Variants in RGPD1 observed in about 807,000 individuals in gnomAD.
RGPD1 encodes RANBP2 like and GRIP domain containing 1.
In RGPD1, 7 loss-of-function variants were observed where a neutral mutation model predicts 40.6. The ratio of observed to expected loss-of-function variants is 0.17; its 90% confidence interval spans 0.10 to 0.32. RGPD1 has a LOEUF of 0.32. Among genes scored for constraint, RGPD1 ranks in the 10% least tolerant of loss-of-function variants. The pLI, the probability that RGPD1 is intolerant of heterozygous loss-of-function variation, is 1.00. For synonymous variants in RGPD1, 24 were observed against 167.0 expected, an observed-to-expected ratio of 0.14 and a Z score of 6.60; for missense variants, 50 against 472.5, an observed-to-expected ratio of 0.11 and a Z score of 8.29.
intron 1 of RGPD1, among the ~76,000 whole-genome samples, chr2:86,936,902 G>C (rs982648046): frequency 4.4e-5 from 6 of 137,382 alleles, no homozygotes; most frequent in Non-Finnish European, 6.3e-5. Flanking sequence ...GCTTAACAAA[G>C]AGGTCTGAGA....
At chr2:86,954,977 C>A (rs1680648759) in intron 4 of RGPD1, among the ~76,000 whole-genome samples, 1 of 52,098 alleles carries the variant, frequency 1.9e-5, no homozygotes, top group Non-Finnish European at 4.0e-5. Context: ...TAAATGTCAT[C>A]ATGAAATGTG....
At chr2:86,914,332 G>GGGCGGC (rs1247052388) in intron 1 of RGPD1, among the ~76,000 whole-genome samples, 1 of 11,016 alleles carries the variant, frequency 9.1e-5, no homozygotes. Flanking sequence ...CGGCCTGGCC[G>GGGCGGC]GGCGGCGGCG....
chr2:87,006,359 A>G (rs2104860500), intron 22 of RGPD1, among the ~76,000 whole-genome samples: 1 of 23,966 alleles, frequency 4.2e-5, no homozygotes, highest in Middle Eastern at 0.013. Context: ...ATATCTCACT[A>G]GTAGTTTTTA....
At chr2:86,935,997 T>G (rs1259048712) in intron 1 of RGPD1, among the ~76,000 whole-genome samples, 1 of 132,622 alleles carries the variant, frequency 7.5e-6, no homozygotes, top group Non-Finnish European at 1.7e-5. Context: ...AAAACAAATT[T>G]GTTGGAAAAA....
At chr2:86,931,358 C>T (rs1422497976) in intron 1 of RGPD1, among the ~76,000 whole-genome samples, 2 of 151,174 alleles carry the variant, frequency 1.3e-5, no homozygotes, top group African/African-American at 4.9e-5. Context: ...CTTGATCCTC[C>T]GTGCTTGACT....
rs529068126 is a variant in RGPD1 at position 86,924,403 on chromosome 2, T to A, written c.72+10482T>A. Among the ~76,000 whole-genome samples the A allele has an allele frequency of 2.0e-5, 3 of 150,660 alleles. No individual in the cohort carries two copies. In the South Asian group the frequency reaches 6.3e-4, roughly 32 times the overall value. On this transcript the variant is annotated intron_variant, in intron 1 of 22. Transcript: ENST00000398193. ...ACTCCTGGCCTCAATAATCCGCCCA[T>A]GTTGACCTCCCAAAGTGCTGAGATT... is the stretch of plus-strand genomic sequence containing the variant.
At chr2:86,920,477 T>C (rs1422992783) in intron 1 of RGPD1, among the ~76,000 whole-genome samples, 1 of 139,820 alleles carries the variant, frequency 7.2e-6, no homozygotes, top group Non-Finnish European at 1.6e-5. Context: ...ATTTCTACAT[T>C]ATGAAAAAGC....
chr2:86,935,159 T>TA (rs1457674419), intron 1 of RGPD1, among the ~76,000 whole-genome samples: 2 of 146,788 alleles, frequency 1.4e-5, no homozygotes, highest in African/African-American at 2.5e-5. Context: ...CCTGTTTAGA[T>TA]ATGATGGTAA....
intron 1 of RGPD1, among the ~76,000 whole-genome samples, chr2:86,923,174 G>T (rs948940995): frequency 6.7e-6 from 1 of 148,394 alleles, no homozygotes; most frequent in Non-Finnish European, 1.5e-5. Context: ...GAATAGCTGG[G>T]ATTACAGGCG....
chr2:86,941,217 T>C (rs1208317548), upstream of RGPD1, among the ~76,000 whole-genome samples: 1 of 151,648 alleles, frequency 6.6e-6, no homozygotes, highest in Non-Finnish European at 1.5e-5. Flanking sequence ...AAATGTTTTG[T>C]TAAATTTTGT....
chr2:86,913,856 C>G, exon 1 of RGPD1: 1 of 1,578,290 alleles, frequency 6.3e-7, no homozygotes, highest in Non-Finnish European at 8.6e-7. Context: ...TGCGATGAGG[C>G]GCAGCAAGGC....
At position 86,913,987 on chromosome 2, in the gene RGPD1, C is replaced by CGGCGGCCTCGACCTGGCCGGGT. The variant is rs1558778500; in HGVS notation, c.72+72_72+73insCTCGACCTGGCCGGGTGGCGGC. ...GGGCGGTGGCCTCGACCTGGCCGGGCGGCGGCGGCGGCCTCGGCCTCGGCC... is the reference window on the plus strand; with the variant it reads ...GGGCGGTGGCCTCGACCTGGCCGGGCGGCGGCCTCGACCTGGCCGGGTGGCGGCGGCGGCCTCGGCCTCGGCC... On this transcript the variant is annotated intron_variant, in intron 1 of 22. Coordinates refer to the RGPD1 transcript ENST00000398193. 8.8e-6 allele frequency: 8 copies of CGGCGGCCTCGACCTGGCCGGGT among 912,852 alleles called. 1 individual carries two copies. The African/African-American group carries it at 2.8e-4, about 32-fold the overall frequency. 56.5% of individuals were successfully genotyped at this position (912,852 alleles called of 1,614,324 possible). A position where few individuals can be genotyped will look rare whatever the true frequency, so the allele number is the denominator to read the frequency against.
intron 1 of RGPD1, among the ~76,000 whole-genome samples, chr2:86,928,924 G>A (rs1169169874): frequency 6.6e-6 from 1 of 151,098 alleles, no homozygotes; most frequent in African/African-American, 2.4e-5. Flanking sequence ...TCACAGAGCA[G>A]TAAAGAAAAA....
intron 1 of RGPD1, among the ~76,000 whole-genome samples, chr2:86,925,089 T>G (rs1312009791): frequency 2.0e-5 from 3 of 152,268 alleles, no homozygotes; most frequent in African/African-American, 7.2e-5. Context: ...TTGTGAAGTT[T>G]CTGTTCAAAT....
upstream of RGPD1, among the ~76,000 whole-genome samples, chr2:86,940,663 A>G (rs891677243): frequency 5.9e-5 from 9 of 151,656 alleles, no homozygotes; most frequent in African/African-American, 2.2e-4. Flanking sequence ...AGGCATGAAC[A>G]TAACTCATTG....
intron 22 of RGPD1, among the ~76,000 whole-genome samples, chr2:87,009,132 T>C (rs1485642261): frequency 3.6e-5 from 4 of 112,452 alleles, no homozygotes; most frequent in Non-Finnish European, 7.2e-5. Context: ...GGTGAAACCC[T>C]GTCTCTACTA....
At chr2:86,925,133 T>G (rs71411891) in intron 1 of RGPD1, among the ~76,000 whole-genome samples, 1 of 142,208 alleles carries the variant, frequency 7.0e-6, no homozygotes, top group African/African-American at 2.6e-5. Flanking sequence ...TTTAAAAAAT[T>G]TGTAAGCTGG....
chr2:86,947,934 TAAA>T lies in RGPD1; in HGVS notation c.73-3355_73-3353del, dbSNP rs893490598. ...CGACAGAGCGAGACTCCGTTTGAAT[TAAA>T]AAAAAAGAGAGAGAAATTTAGAACT... On this transcript the variant is annotated intron_variant, in intron 1 of 22. Transcript: ENST00000641458. Among the ~76,000 whole-genome samples, 33 of 93,068 alleles carry T rather than the reference TAAA, an allele frequency of 3.5e-4. 2 individuals are homozygous for T. Among genetic ancestry groups the T allele is most frequent in the Admixed American group, 8.5e-4 (8 of 9,442 alleles). 61.1% of individuals were successfully genotyped at this position (93,068 alleles called of 152,430 possible).
At chr2:86,963,742 A>AT (rs1269416670) in intron 7 of RGPD1, among the ~76,000 whole-genome samples, 2 of 74,704 alleles carry the variant, frequency 2.7e-5, no homozygotes, top group African/African-American at 8.6e-5. Context: ...CTTATTTTTT[A>AT]TTTTTTTATT....
Sources: gnomAD v4.1 joint callset for allele counts (sites outside exome capture counted in the v4.1 genomes callset) on GRCh38, gnomAD v4.1.1 for gene constraint, MANE v1.5 for transcripts, NCBI Gene and HGNC (gene_info 2026-07-23, HGNC 2026-07-21) for gene names.